Variants in PLCL1 observed in about 807,000 individuals in gnomAD.
PLCL1 encodes phospholipase C like 1 (inactive), also known as inactive phospholipase C-like protein 1.
Under a neutral mutation model 84.4 loss-of-function variants are expected in PLCL1, and 41 were observed. The ratio of observed to expected loss-of-function variants is 0.49; its 90% CI spans 0.38 to 0.63. The LOEUF (loss-of-function observed/expected upper bound fraction) is 0.63. PLCL1 is among the 30% of genes least tolerant of loss of function. The pLI is 0.00. For missense variants in PLCL1, 1,206 were observed against 1,367.8 expected, an observed-to-expected ratio of 0.88 and a Z score of 1.87; for synonymous variants, 490 against 488.3, an observed-to-expected ratio of 1.00 and a Z score of -0.05.
intron 1 of PLCL1, among the ~76,000 whole-genome samples, chr2:197,929,173 C>T (rs779279576): frequency 2.0e-5 from 3 of 152,132 alleles, no homozygotes. Flanking sequence ...ATTTGTTATA[C>T]TGTACTGAAC....
chr2:198,075,321 G>C (rs1692553155), intron 1 of PLCL1, among the ~76,000 whole-genome samples: 1 of 152,154 alleles, frequency 6.6e-6, no homozygotes, highest in South Asian at 2.1e-4. Context: ...TGTCTTAGAG[G>C]GACAGGACTG....
intron 1 of PLCL1, among the ~76,000 whole-genome samples, chr2:197,876,767 C>T (rs1339819628): frequency 6.6e-6 from 1 of 152,090 alleles, no homozygotes; most frequent in Non-Finnish European, 1.5e-5. Flanking sequence ...TTTATTTCAG[C>T]TGAATTCTAA....
chr2:198,029,929 A>G (rs947347826), intron 1 of PLCL1, among the ~76,000 whole-genome samples: 1 of 151,604 alleles, frequency 6.6e-6, no homozygotes, highest in Non-Finnish European at 1.5e-5. Flanking sequence ...TGAATGCCTG[A>G]CCTCAAATGA....
At chr2:197,834,232 C>T (rs1427828620) in intron 1 of PLCL1, among the ~76,000 whole-genome samples, 2 of 152,112 alleles carry the variant, frequency 1.3e-5, no homozygotes, top group Non-Finnish European at 2.9e-5. Context: ...CCATTTAGGA[C>T]ATGGGCATGG....
intron 1 of PLCL1, among the ~76,000 whole-genome samples, chr2:197,824,034 C>T (rs1690875203): frequency 6.6e-6 from 1 of 152,218 alleles, no homozygotes; most frequent in East Asian, 1.9e-4. Context: ...TAAGTACTTA[C>T]AGAATTTGAC....
intron 5 of PLCL1, among the ~76,000 whole-genome samples, chr2:198,131,928 A>C (rs557192456): frequency 1.3e-4 from 20 of 152,192 alleles, no homozygotes; most frequent in Non-Finnish European, 2.8e-4. Flanking sequence ...TCAGGCTAGA[A>C]GATCCTTCAC....
chr2:197,969,969 A>G (rs1689827466), intron 1 of PLCL1, among the ~76,000 whole-genome samples: 1 of 152,216 alleles, frequency 6.6e-6, no homozygotes, highest in South Asian at 2.1e-4. Context: ...GTTTGTATAC[A>G]GCATAACCTG....
chr2:198,073,960 T>A (rs1692521154), intron 1 of PLCL1, among the ~76,000 whole-genome samples: 1 of 152,216 alleles, frequency 6.6e-6, no homozygotes, highest in Non-Finnish European at 1.5e-5. Flanking sequence ...GTGACATACA[T>A]TTATAAAATG....
intron 1 of PLCL1, among the ~76,000 whole-genome samples, chr2:198,031,470 A>C (rs1691421075): frequency 6.6e-6 from 1 of 151,754 alleles, no homozygotes; most frequent in Admixed American, 6.6e-5. Flanking sequence ...TATATTTATC[A>C]ATTGTATGGA....
chr2:198,051,950 T>C (rs11895260), intron 1 of PLCL1, among the ~76,000 whole-genome samples: 108,970 of 151,102 alleles, frequency 0.72, 40,100 homozygotes, highest in African/African-American at 0.86. Flanking sequence ...ACTCTTGTTG[T>C]CCAGGCTGGA....
intron 1 of PLCL1, among the ~76,000 whole-genome samples, chr2:198,048,999 G>C (rs1028218140): frequency 2.6e-5 from 4 of 152,218 alleles, no homozygotes; most frequent in Non-Finnish European, 5.9e-5. Context: ...AGTAAGAAAG[G>C]TGAGGGGAGA....
intron 1 of PLCL1, among the ~76,000 whole-genome samples, chr2:198,053,368 C>T (rs1691987566): frequency 6.6e-6 from 1 of 152,184 alleles, no homozygotes; most frequent in African/African-American, 2.4e-5. Context: ...AGCACAGCTG[C>T]TGTGTTTGCT....
chr2:197,974,751 C>T lies in PLCL1; in HGVS notation c.241-109007C>T, dbSNP rs143958776. Among the ~76,000 whole-genome samples the T allele has an allele frequency of 6.8e-4, 103 of 152,298 alleles. 3 individuals carry two copies. In the South Asian group the frequency reaches 0.014, roughly 20 times the overall value. On this transcript the variant is annotated intron_variant, in intron 1 of 5. Transcript: ENST00000428675. ...GTATTGTGTACTTTGGGAAGAATGC[C>T]GTTGGGGGAAATTCTGACCCCTTCT...
intron 1 of PLCL1, among the ~76,000 whole-genome samples, chr2:197,880,866 A>G (rs1164071113): frequency 6.6e-6 from 1 of 152,194 alleles, no homozygotes; most frequent in Non-Finnish European, 1.5e-5. Flanking sequence ...CCTTACCTTT[A>G]TTAGTGCCTG....
intron 1 of PLCL1, among the ~76,000 whole-genome samples, chr2:198,019,987 A>G (rs1293085548): frequency 6.6e-6 from 1 of 152,226 alleles, no homozygotes; most frequent in African/African-American, 2.4e-5. Context: ...GCAGCCAGAG[A>G]GAAAAATCGA....
intron 1 of PLCL1, among the ~76,000 whole-genome samples, chr2:197,886,261 A>G (rs1401592438): frequency 6.6e-6 from 1 of 151,694 alleles, no homozygotes; most frequent in Non-Finnish European, 1.5e-5. Flanking sequence ...AAAATACAAA[A>G]ATTAGCTGGG....
At chr2:197,952,007 C>T (rs762080069) in intron 1 of PLCL1, among the ~76,000 whole-genome samples, 9 of 152,148 alleles carry the variant, frequency 5.9e-5, no homozygotes, top group Non-Finnish European at 1.0e-4. Flanking sequence ...AATAAGCATT[C>T]GTGATTAATT....
At chr2:197,850,206 A>C (rs942078423) in intron 1 of PLCL1, among the ~76,000 whole-genome samples, 1 of 152,130 alleles carries the variant, frequency 6.6e-6, no homozygotes, top group East Asian at 1.9e-4. Flanking sequence ...GATTTTCTCC[A>C]AGGTTTCTAC....
At chr2:198,032,711 T>G (rs1691457119) in intron 1 of PLCL1, among the ~76,000 whole-genome samples, 1 of 152,138 alleles carries the variant, frequency 6.6e-6, no homozygotes, top group Non-Finnish European at 1.5e-5. Flanking sequence ...CTTAAATGGC[T>G]TTTGATTTGA....
Sources: allele counts gnomAD v4.1 joint callset (sites outside exome capture counted in the v4.1 genomes callset), GRCh38; gene constraint gnomAD v4.1.1; transcripts MANE v1.5; gene names NCBI Gene and HGNC (gene_info 2026-07-23, HGNC 2026-07-21).